The following BTBD10 variants were observed in gnomAD, a reference collection of about 807,000 sequenced individuals.
BTBD10 encodes the protein BTB domain containing 10, also known as BTB/POZ domain-containing protein 10.
In BTBD10, 21 loss-of-function variants were observed where a neutral mutation model predicts 53.2. The ratio of observed to expected loss-of-function variants is 0.39; its 90% CI spans 0.28 to 0.57. The LOEUF (loss-of-function observed/expected upper bound fraction) is 0.57. Among genes scored for constraint, BTBD10 ranks in the 20% least tolerant of loss-of-function variants. The pLI is 0.53. For missense variants in BTBD10, 360 were observed against 594.7 expected, an observed-to-expected ratio of 0.61 and a Z score of 4.10; for synonymous variants, 149 against 192.7, an observed-to-expected ratio of 0.77 and a Z score of 1.88.
rs201616431 is a variant in BTBD10, at chr11:13,417,164, C to T, written c.681G>A (p.Ala227=). ...ACTCATAAGAAACACTCACCAGAAT[C>T]GCTCGAAACACAGTGGAACCAATTC... is the stretch of plus-strand genomic sequence containing the variant. ...AEGIGSTVFR[A]ILDYYKTGII... is the part of the protein sequence containing the mutation. The change falls in exon 5 of 9, where the codon GCG becomes GCA. Residue 227 remains alanine, a synonymous_variant. Transcript: ENST00000278174. 143 of 1,610,400 alleles carry T rather than the reference C, an allele frequency of 8.9e-5. No homozygotes were observed. The East Asian group carries it at 1.5e-3, about 17-fold the overall frequency.
chr11:13,449,751 T>C (rs12805933), intron 1 of BTBD10, among the ~76,000 whole-genome samples: 1 of 152,156 alleles, frequency 6.6e-6, no homozygotes, highest in Admixed American at 6.5e-5. Context: ...TGATAGAAGG[T>C]AGAAAGGCAA....
chr11:13,430,661 G>A (rs1005016317), intron 2 of BTBD10, among the ~76,000 whole-genome samples: 6 of 152,122 alleles, frequency 3.9e-5, no homozygotes, highest in East Asian at 1.9e-4. Context: ...AACAATTTGC[G>A]ATATATCCAT....
chr11:13,437,678 A>C (rs1253117401), intron 2 of BTBD10, among the ~76,000 whole-genome samples: 1 of 152,194 alleles, frequency 6.6e-6, no homozygotes, highest in African/African-American at 2.4e-5. Context: ...CATCAGAGAA[A>C]AATCTAAGTT....
intron 6 of BTBD10, among the ~76,000 whole-genome samples, chr11:13,412,279 C>T (rs1949973004): frequency 6.6e-6 from 1 of 152,048 alleles, no homozygotes; most frequent in African/African-American, 2.4e-5. Context: ...CATAGTGAAA[C>T]CCTGTCTCTA....
chr11:13,395,783 TATTAAATAGGGAATCCTTTCGCC>T (rs1239392491), intron 8 of BTBD10, among the ~76,000 whole-genome samples: 3 of 152,226 alleles, frequency 2.0e-5, no homozygotes, highest in African/African-American at 7.2e-5. Flanking sequence ...CAGCACCATC[TATTAAATAGGGAATCCTTTCGCC>T]ATTGCTTGTT....
chr11:13,411,919 C>T (rs1373727644), intron 6 of BTBD10, among the ~76,000 whole-genome samples: 1 of 151,742 alleles, frequency 6.6e-6, no homozygotes, highest in Non-Finnish European at 1.5e-5. Context: ...ACAACCTCCA[C>T]CTCCCGTGTT....
At chr11:13,421,335 G>C (rs1276905745) in intron 3 of BTBD10, among the ~76,000 whole-genome samples, 1 of 152,076 alleles carries the variant, frequency 6.6e-6, no homozygotes, top group Non-Finnish European at 1.5e-5. Flanking sequence ...ACAAACTATT[G>C]CTATATATTT....
At chr11:13,431,077 A>G (rs1408512714) in intron 2 of BTBD10, among the ~76,000 whole-genome samples, 2 of 152,048 alleles carry the variant, frequency 1.3e-5, no homozygotes, top group Non-Finnish European at 2.9e-5. Flanking sequence ...GAATACCAAA[A>G]TAGAAAACAA....
chr11:13,454,074 GAAGA>G (rs1950917227), intron 1 of BTBD10, among the ~76,000 whole-genome samples: 1 of 151,822 alleles, frequency 6.6e-6, no homozygotes, highest in African/African-American at 2.4e-5. Context: ...AAAAAAAGAA[GAAGA>G]AAGAAACTGA....
intron 8 of BTBD10, among the ~76,000 whole-genome samples, chr11:13,398,951 C>A (rs1260500897): frequency 1.3e-5 from 2 of 152,212 alleles, no homozygotes; most frequent in African/African-American, 4.8e-5. Context: ...GGTTACCCGA[C>A]CTTTCTCTCT....
chr11:13,431,353 T>C (rs969044254), intron 2 of BTBD10, among the ~76,000 whole-genome samples: 1 of 152,138 alleles, frequency 6.6e-6, no homozygotes, highest in Non-Finnish European at 1.5e-5. Context: ...CCCAGTAAAC[T>C]TACCACAAAA....
At chr11:13,409,951 C>T (rs1949904352) in intron 6 of BTBD10, among the ~76,000 whole-genome samples, 1 of 152,040 alleles carries the variant, frequency 6.6e-6, no homozygotes, top group African/African-American at 2.4e-5. Context: ...AATAGTTGAT[C>T]AGGACACAGA....
At chr11:13,456,044 C>T (rs776786439) in intron 1 of BTBD10, among the ~76,000 whole-genome samples, 7 of 152,076 alleles carry the variant, frequency 4.6e-5, no homozygotes, top group Non-Finnish European at 7.4e-5. Flanking sequence ...CTGCACTGTC[C>T]GAAAAGTTTA....
rs1231523022 is a variant in BTBD10 at position 13,419,516 on chromosome 11, A to G, written c.528T>C (p.Thr176=). The change falls in exon 4 of 9, where the codon ACT becomes ACC. Residue 176 remains threonine, a synonymous_variant. Transcript: ENST00000278174. ...SERVTLIVDN[T]RFVVDPSIFT... ...AAATGGATGGGTCTACAACAAATCTAGTGTTATCCACTATTAGTGTCACTC... is the reference window on the plus strand; with the variant it reads ...AAATGGATGGGTCTACAACAAATCTGGTGTTATCCACTATTAGTGTCACTC... The G allele has an allele frequency of 1.2e-6, 2 of 1,613,996 alleles. No homozygotes were observed. The highest frequency in any genetic ancestry group is 2.7e-5 in the African/African-American group (2 of 74,930).
intron 1 of BTBD10, among the ~76,000 whole-genome samples, chr11:13,457,277 A>G (rs1309220142): frequency 2.6e-5 from 4 of 152,208 alleles, no homozygotes; most frequent in African/African-American, 7.2e-5. Context: ...TACTAGTCCT[A>G]CTTCAAAGAT....
At position 13,389,054 on chromosome 11, in the gene BTBD10, C is replaced by G; in HGVS notation, c.1205G>C (p.Arg402Pro). 6.2e-7 allele frequency: 1 copy of G among 1,614,040 alleles called. No homozygotes were observed. Among genetic ancestry groups the G allele is most frequent in the Non-Finnish European group, 8.5e-7 (1 of 1,180,024 alleles). ...IYNYVQRPFI[R>P]MSWEKEEGKS... is the part of the protein sequence containing the mutation. ...TCCTTCTTCCTTCTCCCAGGACATT[C>G]GAATAAAGGGTCTTTGGACATAGTT... Residue 402 changes from arginine to proline, a missense_variant, in exon 9 of 9, where the codon CGA becomes CCA. Arg to Pro is a moderately radical substitution (Grantham distance 103). Around this residue, in one of 6 missense-constraint regions of BTBD10, gnomAD observed 52 missense variants for 180.4 expected, o/e 0.29. Transcript: ENST00000278174.
intron 1 of BTBD10, among the ~76,000 whole-genome samples, chr11:13,455,437 A>T (rs1950944350): frequency 6.6e-6 from 1 of 152,222 alleles, no homozygotes; most frequent in Non-Finnish European, 1.5e-5. Flanking sequence ...TTCCCATCAC[A>T]AACAGCTCAA....
In BTBD10 at chr11:13,419,691, G is replaced by T; in HGVS notation, c.353C>A (p.Ala118Glu). The T allele has an allele frequency of 6.2e-7, 1 of 1,613,554 alleles. No individual in the cohort carries two copies. Among genetic ancestry groups the T allele is most frequent in the Non-Finnish European group, 8.5e-7 (1 of 1,179,772 alleles). Residue 118 changes from alanine (A) to glutamate (E), a missense_variant, in exon 4 of 9, where the codon GCA (alanine) becomes GAA (glutamate). By Grantham distance (107) the Ala-to-Glu change is moderately radical (BLOSUM62 -1). Around this residue, in one of 6 missense-constraint regions of BTBD10, gnomAD observed 109 missense variants for 118.6 expected, o/e 0.92. Transcript: ENST00000278174. The part of the protein sequence containing the change: ...SRPSSPRPQK[A>E]SPNGSISSAG... ...ACTGCTAATGGAACCATTTGGGGAT[G>T]CTTTTTGAGGACGCGGACTGCTTGG...
chr11:13,390,142 C>A (rs1949369039), intron 8 of BTBD10, among the ~76,000 whole-genome samples: 2 of 152,194 alleles, frequency 1.3e-5, no homozygotes, highest in East Asian at 3.9e-4. Context: ...GATCAACTGT[C>A]CTTAAGAAAC....
Sources: gnomAD v4.1 joint callset for allele counts (sites outside exome capture counted in the v4.1 genomes callset) on GRCh38, gnomAD v4.1.1 for gene constraint, gnomAD v4.1.1 regional missense constraint, MANE v1.5 for transcripts, NCBI Gene and HGNC (gene_info 2026-07-23, HGNC 2026-07-21) for gene names.